ASL: variants seen among roughly 807,000 people sequenced by gnomAD.
The protein encoded by ASL is argininosuccinate lyase, also known as argininosuccinase.
A neutral mutation model predicts 69.1 loss-of-function variants in ASL; 51 were observed. That is an observed-to-expected ratio of 0.74 (90% CI 0.59 to 0.93). ASL has a LOEUF of 0.93. Ranked by LOEUF, ASL falls within the 40% of genes least tolerant of loss-of-function variation. The pLI, the probability that ASL is intolerant of heterozygous loss-of-function variation, is 0.00. For synonymous variants in ASL, 241 were observed against 247.6 expected, an observed-to-expected ratio of 0.97 and a Z score of 0.25; for missense variants, 540 against 623.9, an observed-to-expected ratio of 0.87 and a Z score of 1.43.
At chr7:66,090,913 C>T (rs530619398) in intron 14 of ASL, among the ~76,000 whole-genome samples, 3 of 152,024 alleles carry the variant, frequency 2.0e-5, no homozygotes, top group Non-Finnish European at 4.4e-5. Context: ...GCCTGGCCAA[C>T]ATGGCGAAAC....
chr7:66,087,616 C>G lies in ASL; in HGVS notation c.656-113C>G, dbSNP rs1344060991. On this transcript the variant is annotated intron_variant, in intron 9 of 16. Transcript: ENST00000304874. Reference sequence around the variant, plus strand: ...TCCTGGGACTGTGCAAAAGATCCCTCCCCCCAGCTGTTGCCCCACCCTGAT... The same window carrying G: ...TCCTGGGACTGTGCAAAAGATCCCTGCCCCCAGCTGTTGCCCCACCCTGAT... 2.7e-6 allele frequency: 3 copies of G among 1,101,626 alleles called. No individual in the cohort carries two copies. The Admixed American group carries it at 5.8e-5, about 21-fold the overall frequency. The allele number at this position is 1,101,626 out of a possible 1,614,324, so 68.2% of individuals were successfully genotyped here.
chr7:66,086,245 C>A (rs1172475272), intron 6 of ASL, among the ~76,000 whole-genome samples: 1 of 152,142 alleles, frequency 6.6e-6, no homozygotes, highest in East Asian at 1.9e-4. Flanking sequence ...CAAACGAAAC[C>A]TCCCACGGCC....
chr7:66,077,750 A>C (rs1786389577), intron 2 of ASL, among the ~76,000 whole-genome samples: 1 of 152,180 alleles, frequency 6.6e-6, no homozygotes, highest in Admixed American at 6.5e-5. Context: ...AAAAACCCAC[A>C]AGTCCCAAAA....
chr7:66,089,570 A>C, intron 13 of ASL, 42 bp from the exon 14 acceptor site: 1 of 1,607,600 alleles, frequency 6.2e-7, no homozygotes, highest in Non-Finnish European at 8.5e-7. Flanking sequence ...CCTGGGTGCC[A>C]GGGGGCTGCT....
Position 66,087,368 on chromosome 7 carries a change from C to G in ASL, c.637C>G (p.Arg213Gly). 1 of 1,606,586 alleles carries G rather than the reference C, an allele frequency of 6.2e-7. No individual in the cohort carries two copies. Among genetic ancestry groups the G allele is most frequent in the African/African-American group, 1.3e-5 (1 of 74,896 alleles). Residue 213 changes from arginine (R) to glycine (G), a missense_variant, in exon 9 of 17, where the codon CGA becomes GGA. Coordinates refer to ENST00000304874, the MANE Select transcript of ASL (RefSeq NM_000048.4). ...AIAGNPLGVDRELLRAELNFG... is the reference protein window; with the variant it reads ...AIAGNPLGVDGELLRAELNFG... ...TGCAGGCAATCCCCTGGGTGTGGAC[C>G]GAGAGCTGCTCCGAGCAGGTGAGAC...
intron 2 of ASL, among the ~76,000 whole-genome samples, chr7:66,080,294 G>C (rs1249929438): frequency 1.3e-5 from 2 of 149,504 alleles, no homozygotes; most frequent in Admixed American, 1.4e-4. Flanking sequence ...GCTGAGGCAG[G>C]AGAATGGCGT....
chr7:66,079,929 T>A (rs1204714901), intron 2 of ASL, among the ~76,000 whole-genome samples: 3 of 151,932 alleles, frequency 2.0e-5, no homozygotes, highest in Admixed American at 6.6e-5. Context: ...TATAAAATTT[T>A]AAAAAAATGT....
At chr7:66,090,666 T>G (rs1449150619) in intron 14 of ASL, among the ~76,000 whole-genome samples, 1 of 152,156 alleles carries the variant, frequency 6.6e-6, no homozygotes, top group Non-Finnish European at 1.5e-5. Flanking sequence ...CCAGCTTCAA[T>G]GATAATCAAC....
intron 2 of ASL, 31 bp from the exon 3 acceptor site, chr7:66,081,772 A>G: frequency 6.2e-7 from 1 of 1,606,294 alleles, no homozygotes. Context: ...AGGGTGGAGG[A>G]GAGACTAATT....
At chr7:66,087,533 C>T (rs766153120) in intron 9 of ASL, 147 bp downstream of exon 9, 54 of 1,119,664 alleles carry the variant, frequency 4.8e-5, no homozygotes, top group Non-Finnish European at 5.9e-5. Flanking sequence ...TCATCAAGTT[C>T]AGGGGTCACT....
At position 66,093,292 on chromosome 7, in the gene ASL, A is replaced by T. The variant is rs923885064; in HGVS notation, c.*380A>T. The T allele has an allele frequency of 3.5e-5, 12 of 342,832 alleles. No homozygotes were observed. Among genetic ancestry groups the T allele is most frequent in the African/African-American group, 2.5e-4 (12 of 47,590 alleles). 21.2% of individuals were successfully genotyped at this position (342,832 alleles called of 1,614,324 possible). On this transcript the variant is annotated 3_prime_UTR_variant, in exon 17 of 17. Transcript: ENST00000304874. ...ATCACGCCACTGCATTCCAGCCTGG[A>T]TAACAGAGTGAGAACCTATCTCTAA...
At chr7:66,086,002 C>T (rs1786652260) in intron 6 of ASL, among the ~76,000 whole-genome samples, 2 of 152,086 alleles carry the variant, frequency 1.3e-5, no homozygotes, top group African/African-American at 2.4e-5. Context: ...ACAGGAGGAT[C>T]GCTTGAGCCC....
chr7:66,091,561 AAAC>A (rs71526527), intron 14 of ASL, among the ~76,000 whole-genome samples: 15,729 of 151,948 alleles, frequency 0.1, 980 homozygotes, highest in South Asian at 0.2. Context: ...AAAAAGCCCA[AAAC>A]AACAACAACA....
chr7:66,082,588 C>T, intron 4 of ASL, 137 bp downstream of exon 4: 1 of 1,061,030 alleles, frequency 9.4e-7, no homozygotes. Flanking sequence ...GAGCCAGGCA[C>T]CCTGGCTCAT....
intron 14 of ASL, among the ~76,000 whole-genome samples, chr7:66,090,686 T>TC (rs996440949): frequency 1.2e-4 from 19 of 152,264 alleles, no homozygotes; most frequent in African/African-American, 4.3e-4. Context: ...CTCACGGACA[T>TC]CCTGGCTCCA....
chr7:66,089,703 A>G lies in ASL; in HGVS notation c.1062+8A>G, dbSNP rs374455199. ...GTCATCTCTACGCTGCAGGCAAGAC[A>G]TCACCCCCCTGCTTCTCCTCCCCTA... is the stretch of plus-strand genomic sequence containing the variant. On this transcript the variant is annotated splice_region_variant and intron_variant, in intron 14 of 16. Coordinates refer to ENST00000304874, the MANE Select transcript of ASL (RefSeq NM_000048.4). 1 of 1,612,996 alleles carries G rather than the reference A, an allele frequency of 6.2e-7. No individual in the cohort carries two copies. The highest frequency in any genetic ancestry group is 8.5e-7 in the Non-Finnish European group (1 of 1,179,914).
rs778312880 is a variant in ASL, at chr7:66,082,882, G to A, written c.294G>A (p.Glu98=). The change falls in exon 5 of 17, where the codon GAG becomes GAA. Residue 98 remains glutamate, a splice_region_variant and synonymous_variant. Transcript: ENST00000304874. ...CCTGGGTCTCCCTTCACCTCCAGGA[G>A]CTCATTGGTGCAACGGCAGGGAAGC... ...IHTANERRLK[E]LIGATAGKLH... 4 of 1,613,632 alleles carry A rather than the reference G, an allele frequency of 2.5e-6. No individual in the cohort carries two copies. Among genetic ancestry groups the A allele is most frequent in the Admixed American group, 3.3e-5 (2 of 59,966 alleles).
Position 66,081,923 on chromosome 7 carries a change from T to TGG in ASL, c.133_134insGG (p.Tyr45TrpfsTer24). On this transcript the variant is annotated frameshift_variant, in exon 3 of 17. Transcript: ENST00000304874. LOFTEE classifies it high-confidence loss of function. ...GGTGGATGTTCAAGGCAGCAAAGCC[T>TGG]ACAGCAGGGGCCTGGAGAAGGCAGG... 6.2e-7 allele frequency: 1 copy of TGG among 1,613,878 alleles called. No individual in the cohort carries two copies. Among genetic ancestry groups the TGG allele is most frequent in the Non-Finnish European group, 8.5e-7 (1 of 1,179,974 alleles).
chr7:66,082,075 G>GTGCAGTGT, intron 3 of ASL, 78 bp downstream of exon 3: 2 of 1,510,316 alleles, frequency 1.3e-6, no homozygotes, highest in Non-Finnish European at 1.8e-6. Context: ...TGAGCAAACA[G>GTGCAGTGT]TGCAGTGTTG....
Sources: allele counts gnomAD v4.1 joint callset (sites outside exome capture counted in the v4.1 genomes callset), GRCh38; gene constraint gnomAD v4.1.1; transcripts MANE v1.5; gene names NCBI Gene and HGNC (gene_info 2026-07-23, HGNC 2026-07-21).